The following PDE10A variants were observed in gnomAD, a reference collection of about 807,000 sequenced individuals.
The protein encoded by PDE10A is cAMP and cAMP-inhibited cGMP 3',5'-cyclic phosphodiesterase 10A.
PDE10A carries 39 observed loss-of-function variants against 97.7 expected under a neutral mutation model. The observed-to-expected ratio is 0.40, with a 90% CI of 0.31 to 0.52. PDE10A has a LOEUF of 0.52. Among genes scored for constraint, PDE10A ranks in the 20% least tolerant of loss-of-function variants. PDE10A has a pLI of 0.56. For missense variants in PDE10A, 731 were observed against 1,047.8 expected (o/e 0.70, Z 4.17); for synonymous variants, 371 against 376.8 (o/e 0.98, Z 0.18).
Position 165,608,891 on chromosome 6 carries a change from T to C in PDE10A, c.865+53056A>G, listed in dbSNP as rs1279321136. On this transcript the variant is annotated intron_variant, in intron 1 of 21. Coordinates refer to ENST00000539869, the MANE Select transcript of PDE10A (RefSeq NM_001385079.1). ...TGATGAGCATTTTTTCATGTGACTA[T>C]TGGCTGCATAAATGTCTTCTTTTGA... Among the ~76,000 whole-genome samples, 7 of 152,374 alleles carry C rather than the reference T, an allele frequency of 4.6e-5. No homozygotes were observed. In the South Asian group the frequency reaches 1.2e-3, roughly 27 times the overall value.
At chr6:165,940,541 C>A (rs1173360085) in intron 1 of PDE10A, 1 of 152,296 alleles carries the variant, frequency 6.6e-6, no homozygotes, top group African/African-American at 2.4e-5. Flanking sequence ...GCCTGGCGCT[C>A]TGCGGGCTCC....
At chr6:165,934,108 C>T (rs1019322181) in intron 1 of PDE10A, among the ~76,000 whole-genome samples, 3 of 150,000 alleles carry the variant, frequency 2.0e-5, no homozygotes, top group Non-Finnish European at 3.0e-5. Flanking sequence ...CTCAGCCTCT[C>T]GAGTAGCTGG....
At chr6:165,554,434 A>G (rs1182157802) in intron 1 of PDE10A, among the ~76,000 whole-genome samples, 2 of 152,246 alleles carry the variant, frequency 1.3e-5, no homozygotes, top group Non-Finnish European at 2.9e-5. Context: ...ACTGATCATC[A>G]GAGAAATGCA....
intron 1 of PDE10A, among the ~76,000 whole-genome samples, chr6:165,874,651 TA>T (rs1382887955): frequency 6.6e-6 from 1 of 152,256 alleles, no homozygotes. Context: ...CCTCTCATAT[TA>T]TTTTGCAAAT....
intron 1 of PDE10A, among the ~76,000 whole-genome samples, chr6:165,567,805 C>T (rs1301832542): frequency 2.0e-5 from 3 of 152,036 alleles, no homozygotes; most frequent in Non-Finnish European, 4.4e-5. Context: ...GAAATCAAAA[C>T]TTTCTGAATG....
intron 1 of PDE10A, among the ~76,000 whole-genome samples, chr6:165,729,478 A>G (rs1175434504): frequency 6.6e-6 from 1 of 152,226 alleles, no homozygotes; most frequent in Non-Finnish European, 1.5e-5. Flanking sequence ...GAAATAATAA[A>G]TAAGCACTAC....
At chr6:165,449,052 G>C (rs1791082053) in intron 4 of PDE10A, 75 bp from the exon 5 acceptor site, 1 of 1,003,944 alleles carries the variant, frequency 1.0e-6, no homozygotes, top group Non-Finnish European at 1.6e-6. Context: ...TCCAGGGTGA[G>C]AGGCAGATGT....
At chr6:165,966,217 C>A (rs186888219) in intron 1 of PDE10A, among the ~76,000 whole-genome samples, 1 of 152,342 alleles carries the variant, frequency 6.6e-6, no homozygotes, top group Admixed American at 6.5e-5. Context: ...GGCCTCCCCA[C>A]AGGGCTCATA....
chr6:165,489,107 T>C (rs115585987), intron 2 of PDE10A, among the ~76,000 whole-genome samples: 8,293 of 152,174 alleles, frequency 0.054, 288 homozygotes, highest in South Asian at 0.09. Flanking sequence ...GATGCACTCT[T>C]GACAGTGCCA....
At chr6:165,461,176 T>C (rs1282529338) in intron 3 of PDE10A, among the ~76,000 whole-genome samples, 1 of 152,230 alleles carries the variant, frequency 6.6e-6, no homozygotes, top group Non-Finnish European at 1.5e-5. Flanking sequence ...TTAAGAGCTA[T>C]CAATTCAGTT....
chr6:165,747,688 G>A (rs1338864319), intron 1 of PDE10A, among the ~76,000 whole-genome samples: 1 of 152,142 alleles, frequency 6.6e-6, no homozygotes, highest in Non-Finnish European at 1.5e-5. Flanking sequence ...CCAGTAGGTG[G>A]GTAGAACCCC....
At position 165,607,783 on chromosome 6, in the gene PDE10A, CA is replaced by C. The variant is rs768897199; in HGVS notation, c.865+54163del. On this transcript the variant is annotated intron_variant, in intron 1 of 21. Coordinates refer to ENST00000539869, the MANE Select transcript of PDE10A (RefSeq NM_001385079.1). ...AGGATGAAATGCAGCACGTGTTTAACAGCATCAACTTTAGACAGCTCTACAT... is the reference window on the plus strand; with the variant it reads ...AGGATGAAATGCAGCACGTGTTTAACGCATCAACTTTAGACAGCTCTACAT... Among the ~76,000 whole-genome samples the C allele has an allele frequency of 2.6e-4, 40 of 152,120 alleles. 1 individual carries two copies. The highest frequency in any genetic ancestry group is 4.7e-4 in the Non-Finnish European group (32 of 68,024).
rs753929713 is a variant in PDE10A, at chr6:165,727,480, CCAAA to C, written c.-614-183916_-614-183913del. Among the ~76,000 whole-genome samples, 13 of 152,286 alleles carry C rather than the reference CCAAA, an allele frequency of 8.5e-5. No homozygotes were observed. The East Asian group carries it at 2.5e-3, about 29-fold the overall frequency. ...TGCCTGTTCCTCCTCCTTCCTCTCT[CCAAA>C]CAGTGTTCTGAGGCCAGGAGGGAAT... On this transcript the variant is annotated intron_variant, in intron 1 of 19. Coordinates refer to the PDE10A transcript ENST00000366882.
intron 2 of PDE10A, among the ~76,000 whole-genome samples, chr6:165,493,325 GA>G (rs1416594416): frequency 6.6e-6 from 1 of 151,880 alleles, no homozygotes; most frequent in Non-Finnish European, 1.5e-5. Flanking sequence ...CACAGAACTA[GA>G]AAAAAATAAT....
intron 12 of PDE10A, among the ~76,000 whole-genome samples, chr6:165,414,397 G>C (rs941061027): frequency 3.3e-5 from 5 of 152,156 alleles, no homozygotes; most frequent in Non-Finnish European, 5.9e-5. Flanking sequence ...CAGTGACATA[G>C]CTAACGGTAG....
chr6:165,651,417 T>A (rs143554044), intron 1 of PDE10A, among the ~76,000 whole-genome samples: 3 of 152,342 alleles, frequency 2.0e-5, no homozygotes, highest in South Asian at 2.1e-4. Context: ...AGGTTAGCAC[T>A]ATGCTGTGAT....
intron 1 of PDE10A, among the ~76,000 whole-genome samples, chr6:165,970,186 A>G (rs542480240): frequency 1.5e-4 from 23 of 152,344 alleles, no homozygotes; most frequent in African/African-American, 5.5e-4. Context: ...CAAGTCATGG[A>G]AGCCCACGAA....
At chr6:165,794,405 ATCACACACTCCTACACTCAC>A (rs1466864413) in intron 1 of PDE10A, among the ~76,000 whole-genome samples, 45 of 150,840 alleles carry the variant, frequency 3.0e-4, no homozygotes, top group Admixed American at 1.1e-3. Flanking sequence ...GCTCACACTC[ATCACACACTCCTACACTCAC>A]TCACACACTC....
chr6:165,433,685 G>C (rs1313881403), intron 6 of PDE10A, among the ~76,000 whole-genome samples: 1 of 152,070 alleles, frequency 6.6e-6, no homozygotes, highest in Non-Finnish European at 1.5e-5. Context: ...TTGGTTCTTT[G>C]ATTTTAAAAT....
Sources: allele counts gnomAD v4.1 joint callset (sites outside exome capture counted in the v4.1 genomes callset), GRCh38; gene constraint gnomAD v4.1.1; transcripts MANE v1.5; gene names NCBI Gene and HGNC (gene_info 2026-07-23, HGNC 2026-07-21).